GLI3: variants seen among roughly 807,000 people sequenced by gnomAD.
GLI3 encodes the protein transcription activator GLI3.
A neutral mutation model predicts 100.8 loss-of-function variants in GLI3; 20 were observed. The ratio of observed to expected loss-of-function variants is 0.20; its 90% confidence interval spans 0.14 to 0.29. GLI3 has a LOEUF of 0.29. GLI3 is among the 10% of genes least tolerant of loss of function. The pLI is 1.00. For missense variants in GLI3, 2,040 were observed against 2,128.5 expected (o/e 0.96, Z 0.82); for synonymous variants, 938 against 860.5 (o/e 1.09, Z -1.58).
At chr7:42,096,787 C>A (rs1785347700) in intron 3 of GLI3, among the ~76,000 whole-genome samples, 1 of 152,164 alleles carries the variant, frequency 6.6e-6, no homozygotes, top group Non-Finnish European at 1.5e-5. Context: ...TGAAACCAGA[C>A]TCCAGCCACA....
At chr7:42,157,775 C>T (rs991470474) in intron 2 of GLI3, among the ~76,000 whole-genome samples, 4 of 152,094 alleles carry the variant, frequency 2.6e-5, no homozygotes, top group African/African-American at 9.7e-5. Context: ...AAATTAAGTA[C>T]ATACAAATTG....
intron 2 of GLI3, among the ~76,000 whole-genome samples, chr7:42,175,088 G>A (rs367855559): frequency 3.3e-5 from 5 of 150,198 alleles, no homozygotes; most frequent in Admixed American, 2.6e-4. Context: ...TAAATTCCCA[G>A]AGAGACCCTG....
chr7:42,158,716 C>T (rs1431159864), intron 2 of GLI3, among the ~76,000 whole-genome samples: 1 of 152,114 alleles, frequency 6.6e-6, no homozygotes, highest in Non-Finnish European at 1.5e-5. Flanking sequence ...GTCTTGAACT[C>T]CTGACCTCAG....
chr7:42,116,379 C>G (rs1300179491), intron 3 of GLI3, among the ~76,000 whole-genome samples: 1 of 151,640 alleles, frequency 6.6e-6, no homozygotes, highest in African/African-American at 2.4e-5. Flanking sequence ...ATAAACAACA[C>G]TTATCCTCAG....
Position 42,148,277 on chromosome 7 carries a change from C to T in GLI3, c.316G>A (p.Gly106Arg), listed in dbSNP as rs762438272. 47 of 1,612,932 alleles carry T rather than the reference C, an allele frequency of 2.9e-5. No individual in the cohort carries two copies. The highest frequency in any genetic ancestry group is 3.9e-5 in the Non-Finnish European group (46 of 1,179,530). Residue 106 changes from glycine to arginine, a missense_variant, in exon 3 of 15, where the codon GGG becomes AGG. Gly to Arg is a moderately radical substitution (Grantham distance 125). Around this residue, in one of 5 missense-constraint regions of GLI3, gnomAD observed 603 missense variants for 690.9 expected, o/e 0.87. Transcript: ENST00000395925. ...CTGGGGTCCATGGCAAACACCGTCCCGCGGTACGGCACAGAGGGCTCCGCC... is the reference window on the plus strand; with the variant it reads ...CTGGGGTCCATGGCAAACACCGTCCTGCGGTACGGCACAGAGGGCTCCGCC... ...HVAEPSVPYR[G>R]TVFAMDPRNG...
chr7:42,181,057 A>T (rs751669695), intron 2 of GLI3, among the ~76,000 whole-genome samples: 2 of 152,192 alleles, frequency 1.3e-5, no homozygotes, highest in Non-Finnish European at 2.9e-5. Flanking sequence ...AGTAGGGCTA[A>T]GGCAACCACA....
chr7:42,043,531 A>G (rs1372294990), intron 6 of GLI3, among the ~76,000 whole-genome samples: 1 of 152,216 alleles, frequency 6.6e-6, no homozygotes, highest in Non-Finnish European at 1.5e-5. Context: ...TCTAACACAG[A>G]TATCTCCGAT....
chr7:42,243,645 T>C (rs1334505343), intron 1 of GLI3, among the ~76,000 whole-genome samples: 1 of 152,230 alleles, frequency 6.6e-6, no homozygotes, highest in African/African-American at 2.4e-5. Context: ...GTGGATCTAC[T>C]ATCCGGATTA....
intron 1 of GLI3, among the ~76,000 whole-genome samples, chr7:42,223,602 T>C (rs962867724): frequency 1.2e-4 from 18 of 152,254 alleles, no homozygotes; most frequent in African/African-American, 4.1e-4. Context: ...GTGTCTATCA[T>C]GTGAAACAAG....
Position 41,965,534 on chromosome 7 carries a change from C to G in GLI3, c.3539G>C (p.Gly1180Ala), listed in dbSNP as rs749408059. Residue 1180 changes from glycine (G) to alanine (A), a missense_variant, in exon 15 of 15, where the codon GGG becomes GCG. Gly to Ala is a moderately conservative substitution (Grantham distance 60). Coordinates refer to ENST00000395925, the MANE Select transcript of GLI3 (RefSeq NM_000168.6). ...ADLSSSKLKC[G>A]PRPAVPQTRA... ...AGTCTGCGGCACAGCGGGCCGCGGC[C>G]CACACTTGAGCTTGGAGGAGGACAG... The G allele has an allele frequency of 3.7e-6, 6 of 1,605,492 alleles. No homozygotes were observed. The highest frequency in any genetic ancestry group is 4.3e-6 in the Non-Finnish European group (5 of 1,173,352).
Position 41,965,544 on chromosome 7 carries a change from G to C in GLI3, c.3529C>G (p.Leu1177Val). The C allele has an allele frequency of 6.2e-7, 1 of 1,605,762 alleles. No individual in the cohort carries two copies. Among genetic ancestry groups the C allele is most frequent in the East Asian group, 2.2e-5 (1 of 44,570 alleles). The change falls in exon 15 of 15, where the codon CTC becomes GTC. Residue 1177 changes from leucine to valine, a missense_variant. Leu to Val is a conservative substitution (Grantham distance 32). Around this residue, in one of 5 missense-constraint regions of GLI3, gnomAD observed 1,041 missense variants for 924.0 expected, o/e 1.13. Coordinates refer to ENST00000395925, the MANE Select transcript of GLI3 (RefSeq NM_000168.6). The stretch of plus-strand genomic sequence containing the variant: ...ACAGCGGGCCGCGGCCCACACTTGA[G>C]CTTGGAGGAGGACAGGTCGGCGCTT... ...SGSADLSSSK[L>V]KCGPRPAVPQ...
At chr7:42,010,448 T>C (rs1203262986) in intron 10 of GLI3, among the ~76,000 whole-genome samples, 1 of 152,226 alleles carries the variant, frequency 6.6e-6, no homozygotes, top group African/African-American at 2.4e-5. Context: ...AATAGACAGA[T>C]GCCTCTTCTG....
intron 2 of GLI3, chr7:42,151,952 A>G (rs1005173812): frequency 7.9e-5 from 12 of 152,184 alleles, no homozygotes; most frequent in Admixed American, 4.6e-4. Context: ...GTTTGCAATA[A>G]AAGTCTGGAG....
chr7:42,260,673 G>T lies in GLI3; in HGVS notation c.-43+3321C>A, dbSNP rs577780583. Among the ~76,000 whole-genome samples the T allele has an allele frequency of 4.6e-5, 7 of 152,260 alleles. No individual in the cohort carries two copies. The East Asian group carries it at 1.4e-3, about 29-fold the overall frequency. On this transcript the variant is annotated intron_variant, in intron 1 of 2. Coordinates refer to the GLI3 transcript ENST00000678978. ...ACAACGTAGTGAATGAAGGGCCAGG[G>T]ACAAGAGTAAAAACAAGAAGGGCAA...
chr7:42,172,358 G>T, intron 2 of GLI3: 2 of 576,222 alleles, frequency 3.5e-6, no homozygotes, highest in South Asian at 2.2e-5. Flanking sequence ...AGAGGGATCC[G>T]CATGTCTTAA....
chr7:42,233,473 G>GTTAAT (rs1719861793), intron 1 of GLI3, among the ~76,000 whole-genome samples: 1 of 152,240 alleles, frequency 6.6e-6, no homozygotes, highest in Admixed American at 6.5e-5. Context: ...TTCTTCTGCA[G>GTTAAT]TTAAACACAA....
chr7:42,159,567 T>G (rs1415058421), intron 2 of GLI3, among the ~76,000 whole-genome samples: 3 of 152,236 alleles, frequency 2.0e-5, no homozygotes, highest in African/African-American at 7.2e-5. Context: ...CTTCTTAAAA[T>G]GCACTATTAG....
intron 3 of GLI3, among the ~76,000 whole-genome samples, chr7:42,111,009 A>C (rs892237938): frequency 6.6e-6 from 1 of 152,234 alleles, no homozygotes; most frequent in Non-Finnish European, 1.5e-5. Context: ...CTAGAGATGC[A>C]AACTCTGGAA....
chr7:42,026,839 C>T (rs1011356669), intron 7 of GLI3, among the ~76,000 whole-genome samples: 1 of 152,178 alleles, frequency 6.6e-6, no homozygotes, highest in Non-Finnish European at 1.5e-5. Context: ...GATCTTATTA[C>T]AAGAGGAAAG....
Sources: gnomAD v4.1 joint callset for allele counts (sites outside exome capture counted in the v4.1 genomes callset) on GRCh38, gnomAD v4.1.1 for gene constraint, gnomAD v4.1.1 regional missense constraint, MANE v1.5 for transcripts, NCBI Gene and HGNC (gene_info 2026-07-23, HGNC 2026-07-21) for gene names.